PPP4R2: variants seen among roughly 807,000 people sequenced by gnomAD.
PPP4R2 encodes protein phosphatase 4 regulatory subunit 2, also known as serine/threonine-protein phosphatase 4 regulatory subunit 2.
In PPP4R2, 13 loss-of-function variants were observed where a neutral mutation model predicts 47.2. The observed-to-expected ratio is 0.28, with a 90% CI of 0.18 to 0.44. The LOEUF is 0.44. PPP4R2 is among the 20% of genes least tolerant of loss of function. PPP4R2 has a pLI of 1.00. For missense variants in PPP4R2, 421 were observed against 491.2 expected (o/e 0.86, Z 1.35); for synonymous variants, 151 against 163.3 (o/e 0.92, Z 0.57).
intron 7 of PPP4R2, 47 bp from the exon 8 acceptor site, chr3:73,064,805 A>G: frequency 6.8e-7 from 1 of 1,473,470 alleles, no homozygotes; most frequent in Non-Finnish European, 9.2e-7. Context: ...GATGTAGAAG[A>G]TGGGGAAAAT....
intron 2 of PPP4R2, among the ~76,000 whole-genome samples, chr3:73,042,419 C>T (rs898089766): frequency 7.5e-6 from 1 of 133,170 alleles, no homozygotes. Context: ...GGCTGGAGTG[C>T]GGTGCTGCAA....
intron 3 of PPP4R2, among the ~76,000 whole-genome samples, chr3:73,054,961 T>G (rs990443000): frequency 1.3e-5 from 2 of 152,192 alleles, no homozygotes; most frequent in Non-Finnish European, 2.9e-5. Flanking sequence ...TTCAGCAACT[T>G]TCTTGGTATT....
intron 2 of PPP4R2, among the ~76,000 whole-genome samples, chr3:73,043,014 A>G (rs1702411151): frequency 6.6e-6 from 1 of 152,146 alleles, no homozygotes; most frequent in South Asian, 2.1e-4. Flanking sequence ...GACCGCAAAC[A>G]TGTCATGTCA....
chr3:73,007,676 A>T (rs1029838523), intron 2 of PPP4R2, among the ~76,000 whole-genome samples: 2 of 151,804 alleles, frequency 1.3e-5, no homozygotes, highest in Admixed American at 1.3e-4. Flanking sequence ...TTTAGTAGAG[A>T]TGGGGTTTCA....
intron 3 of PPP4R2, among the ~76,000 whole-genome samples, chr3:73,057,515 C>G (rs1702751978): frequency 6.6e-6 from 1 of 152,066 alleles, no homozygotes; most frequent in Non-Finnish European, 1.5e-5. Flanking sequence ...TGTGCCTTGT[C>G]TTTTGGTAGA....
intron 3 of PPP4R2, among the ~76,000 whole-genome samples, chr3:73,054,495 C>T (rs1307577195): frequency 6.6e-6 from 1 of 152,180 alleles, no homozygotes; most frequent in Non-Finnish European, 1.5e-5. Flanking sequence ...TCCATGTTGA[C>T]AGTTAAGTTT....
intron 3 of PPP4R2, among the ~76,000 whole-genome samples, chr3:73,055,946 T>G (rs1276459563): frequency 1.3e-5 from 2 of 152,168 alleles, no homozygotes; most frequent in Admixed American, 6.6e-5. Flanking sequence ...CTAATGAACA[T>G]CTGATCACCA....
intron 2 of PPP4R2, among the ~76,000 whole-genome samples, chr3:73,020,227 G>A (rs544770920): frequency 1.3e-5 from 2 of 152,120 alleles, no homozygotes; most frequent in Non-Finnish European, 2.9e-5. Flanking sequence ...ACAGGGTCTT[G>A]TTCCATCACC....
In PPP4R2 at chr3:72,996,855, T is replaced by A; in HGVS notation, c.-183T>A. ...TGGTGGTAGCGGCTTGGGGAGGTGC[T>A]CGCTCTGTCGGTCTTGCTCTCTCGC... On this transcript the variant is annotated 5_prime_UTR_variant, in exon 1 of 9. Coordinates refer to ENST00000356692, the MANE Select transcript of PPP4R2 (RefSeq NM_174907.4). 2 of 406,372 alleles carry A rather than the reference T, an allele frequency of 4.9e-6. No individual in the cohort carries two copies. Among genetic ancestry groups the A allele is most frequent in the Non-Finnish European group, 8.7e-6 (2 of 228,598 alleles). 25.2% of individuals were successfully genotyped at this position (406,372 alleles called of 1,614,324 possible).
chr3:73,051,351 A>G lies in PPP4R2; in HGVS notation c.287+3995A>G, dbSNP rs534756142. Among the ~76,000 whole-genome samples, 6 of 152,330 alleles carry G rather than the reference A, an allele frequency of 3.9e-5. No individual in the cohort carries two copies. The South Asian group carries it at 1.0e-3, about 26-fold the overall frequency. ...ATGCTTTCTTTTGTAATAAGTGCAG[A>G]TATTGTAATTCTTCGGTACTGTATA... On this transcript the variant is annotated intron_variant, in intron 3 of 8. Coordinates refer to ENST00000356692, the MANE Select transcript of PPP4R2 (RefSeq NM_174907.4).
At chr3:73,036,147 GAA>G (rs1321162984) in intron 2 of PPP4R2, among the ~76,000 whole-genome samples, 1 of 152,140 alleles carries the variant, frequency 6.6e-6, no homozygotes, top group African/African-American at 2.4e-5. Flanking sequence ...GCCAGGCACA[GAA>G]AGACAAATAT....
intron 5 of PPP4R2, chr3:73,063,257 G>C (rs1442295733): frequency 3.4e-6 from 1 of 296,686 alleles, no homozygotes; most frequent in South Asian, 4.5e-5. Context: ...GATCTTGAGG[G>C]GGGAGTGTTG....
intron 2 of PPP4R2, among the ~76,000 whole-genome samples, chr3:73,032,083 CTT>C (rs1370313901): frequency 1.3e-5 from 2 of 152,112 alleles, no homozygotes; most frequent in Non-Finnish European, 2.9e-5. Context: ...CCACCTGACT[CTT>C]TTTAAATTGA....
chr3:73,060,935 C>A, intron 4 of PPP4R2, 88 bp from the exon 5 acceptor site: 1 of 844,900 alleles, frequency 1.2e-6, no homozygotes. Flanking sequence ...GAATTTAACC[C>A]ACCAGAGTGA....
intron 2 of PPP4R2, among the ~76,000 whole-genome samples, chr3:73,032,121 TTTATTAAAG>T (rs1335670385): frequency 2.0e-5 from 3 of 152,176 alleles, no homozygotes; most frequent in African/African-American, 7.2e-5. Flanking sequence ...AGTTTTTACT[TTTATTAAAG>T]TTATATGCAC....
At chr3:73,012,619 A>T (rs1257306673) in intron 2 of PPP4R2, among the ~76,000 whole-genome samples, 1 of 152,160 alleles carries the variant, frequency 6.6e-6, no homozygotes, top group Non-Finnish European at 1.5e-5. Flanking sequence ...AATATTTTCA[A>T]TCTGAGGTTG....
chr3:73,030,933 C>G (rs1161505364), intron 2 of PPP4R2, among the ~76,000 whole-genome samples: 1 of 151,960 alleles, frequency 6.6e-6, no homozygotes. Context: ...AACTCCTGAG[C>G]TCAGGTGATC....
At chr3:73,046,568 A>C (rs1702491957) in intron 2 of PPP4R2, among the ~76,000 whole-genome samples, 1 of 152,212 alleles carries the variant, frequency 6.6e-6, no homozygotes, top group Admixed American at 6.5e-5. Context: ...AATAGATGTG[A>C]AAAGTACCTA....
intron 3 of PPP4R2, among the ~76,000 whole-genome samples, 169 bp downstream of exon 3, chr3:73,047,525 T>C (rs1702509341): frequency 6.6e-6 from 1 of 152,232 alleles, no homozygotes; most frequent in Non-Finnish European, 1.5e-5. Context: ...ATTTAAAATA[T>C]TTGTAGCCTC....
Sources: gnomAD v4.1 joint callset for allele counts (sites outside exome capture counted in the v4.1 genomes callset) on GRCh38, gnomAD v4.1.1 for gene constraint, MANE v1.5 for transcripts, NCBI Gene and HGNC (gene_info 2026-07-23, HGNC 2026-07-21) for gene names.